Variants in GUCY1A2 observed in about 807,000 individuals in gnomAD.
The protein encoded by GUCY1A2 is guanylate cyclase 1 soluble subunit alpha 2, also known as guanylate cyclase soluble subunit alpha-2.
In GUCY1A2, 27 loss-of-function variants were observed where a neutral mutation model predicts 63.5. The ratio of observed to expected loss-of-function variants is 0.43; its 90% CI spans 0.31 to 0.59. The LOEUF is 0.59. GUCY1A2 is among the 20% of genes least tolerant of loss of function. The pLI is 0.11. For synonymous variants in GUCY1A2, 364 were observed against 343.5 expected, an observed-to-expected ratio of 1.06 and a Z score of -0.66; for missense variants, 768 against 913.3, an observed-to-expected ratio of 0.84 and a Z score of 2.05.
chr11:106,985,914 AC>A (rs1861394465), intron 2 of GUCY1A2, among the ~76,000 whole-genome samples, 155 bp downstream of exon 2: 1 of 152,036 alleles, frequency 6.6e-6, no homozygotes, highest in African/African-American at 2.4e-5. Flanking sequence ...ACTCCAAGGG[AC>A]TCCCCCAATA....
At chr11:106,801,280 G>A (rs902241665) in intron 5 of GUCY1A2, among the ~76,000 whole-genome samples, 2 of 151,982 alleles carry the variant, frequency 1.3e-5, no homozygotes, top group Admixed American at 1.3e-4. Context: ...TTGTAACAAG[G>A]ACCTTTGGCT....
At position 106,725,152 on chromosome 11, in the gene GUCY1A2, C is replaced by CTTTTTTTTTTTTTTTTTTTTTTTTTTT. The variant is rs773251118; in HGVS notation, c.1837-16513_1837-16487dup. On this transcript the variant is annotated intron_variant, in intron 6 of 7. Coordinates refer to ENST00000526355, the MANE Select transcript of GUCY1A2 (RefSeq NM_000855.3). ...ATGTATCTTCTTATTGACATAAATT[C>CTTTTTTTTTTTTTTTTTTTTTTTTTTT]TTTTTTTTTTTTTTTTTTTTTTTTT... Among the ~76,000 whole-genome samples the CTTTTTTTTTTTTTTTTTTTTTTTTTTT allele has an allele frequency of 8.7e-5, 2 of 22,988 alleles. 1 individual carries two copies. Among genetic ancestry groups the CTTTTTTTTTTTTTTTTTTTTTTTTTTT allele is most frequent in the Non-Finnish European group, 1.6e-4 (2 of 12,178 alleles). 15.1% of individuals were successfully genotyped at this position (22,988 alleles called of 152,430 possible). A position where few individuals can be genotyped will look rare whatever the true frequency, so the allele number is the denominator to read the frequency against.
At chr11:106,999,215 A>G (rs1861581682) in intron 1 of GUCY1A2, among the ~76,000 whole-genome samples, 1 of 152,214 alleles carries the variant, frequency 6.6e-6, no homozygotes, top group South Asian at 2.1e-4. Context: ...GGAGAGTCTT[A>G]CAGCAGATTT....
chr11:106,986,905 A>G (rs1422896162), intron 1 of GUCY1A2, among the ~76,000 whole-genome samples: 1 of 152,206 alleles, frequency 6.6e-6, no homozygotes, highest in South Asian at 2.1e-4. Flanking sequence ...TCTCTTCTCC[A>G]CGATGGCTTA....
intron 4 of GUCY1A2, among the ~76,000 whole-genome samples, chr11:106,845,353 T>G (rs1329644990): frequency 6.6e-6 from 1 of 151,624 alleles, no homozygotes; most frequent in East Asian, 1.9e-4. Context: ...TTGCTCCCCC[T>G]CTTCTTTCAG....
At position 106,680,467 on chromosome 11, in the gene GUCY1A2, CT is replaced by C. The variant is rs1310927914; in HGVS notation, c.*7081del. On this transcript the variant is annotated 3_prime_UTR_variant, in exon 8 of 8. Transcript: ENST00000526355. ...TACTCAGACCTGCCATTTGGTTTTT[CT>C]TTTCTGCTTTTAAATAATAAGCAAC... 2 of 204,348 alleles carry C rather than the reference CT, an allele frequency of 9.8e-6. No homozygotes were observed. The highest frequency in any genetic ancestry group is 2.0e-5 in the Non-Finnish European group (2 of 99,934). 12.7% of individuals were successfully genotyped at this position (204,348 alleles called of 1,614,324 possible). A position where few individuals can be genotyped will look rare whatever the true frequency, so the allele number is the denominator to read the frequency against.
chr11:106,754,117 A>G (rs1863931850), intron 6 of GUCY1A2, among the ~76,000 whole-genome samples: 1 of 152,140 alleles, frequency 6.6e-6, no homozygotes, highest in Non-Finnish European at 1.5e-5. Flanking sequence ...CTTTGCAGCA[A>G]TTGTGAATGG....
intron 1 of GUCY1A2, among the ~76,000 whole-genome samples, chr11:106,996,027 T>C (rs924168306): frequency 1.3e-5 from 2 of 152,188 alleles, no homozygotes; most frequent in African/African-American, 4.8e-5. Flanking sequence ...AGTTAAATTA[T>C]AAAATTAACA....
intron 5 of GUCY1A2, 56 bp from the exon 6 acceptor site, chr11:106,776,638 T>A (rs1864361957): frequency 6.6e-7 from 1 of 1,520,702 alleles, no homozygotes; most frequent in Non-Finnish European, 9.0e-7. Flanking sequence ...CAAAGAGAAA[T>A]GATTAGTTAT....
intron 4 of GUCY1A2, among the ~76,000 whole-genome samples, chr11:106,848,174 G>T (rs984188547): frequency 2.0e-5 from 3 of 151,612 alleles, no homozygotes; most frequent in Non-Finnish European, 4.4e-5. Flanking sequence ...CTTTTTACAT[G>T]TTGTTCAATT....
chr11:106,844,442 T>C (rs1859244322), intron 4 of GUCY1A2, among the ~76,000 whole-genome samples: 1 of 151,826 alleles, frequency 6.6e-6, no homozygotes, highest in South Asian at 2.1e-4. Context: ...CATATTCATC[T>C]TCAATTTGGC....
chr11:106,698,284 A>ATT lies in GUCY1A2; in HGVS notation c.1991+10226_1991+10227dup, dbSNP rs113286447. Among the ~76,000 whole-genome samples, 762 of 142,354 alleles carry ATT rather than the reference A, an allele frequency of 5.4e-3. 10 individuals are homozygous for ATT. The highest frequency in any genetic ancestry group is 0.018 in the African/African-American group (706 of 38,322). 93.4% of individuals were successfully genotyped at this position (142,354 alleles called of 152,430 possible). A position where few individuals can be genotyped will look rare whatever the true frequency, so the allele number is the denominator to read the frequency against. On this transcript the variant is annotated intron_variant, in intron 7 of 7. Transcript: ENST00000526355. ...TTAGGCACATGCACCATGTCTGGGG[A>ATT]TTTTTTTTTTTTAATTTTAGTAGAG...
At chr11:106,826,091 C>T (rs938701358) in intron 4 of GUCY1A2, among the ~76,000 whole-genome samples, 1 of 152,062 alleles carries the variant, frequency 6.6e-6, no homozygotes, top group African/African-American at 2.4e-5. Context: ...AGATAACTTA[C>T]CTAAATTTGC....
At chr11:106,768,706 A>T (rs1398821666) in intron 6 of GUCY1A2, among the ~76,000 whole-genome samples, 3 of 152,180 alleles carry the variant, frequency 2.0e-5, no homozygotes, top group Admixed American at 6.6e-5. Context: ...ACGAAAAATT[A>T]TTGTACCAAG....
At chr11:106,732,689 G>A (rs1863525378) in intron 6 of GUCY1A2, among the ~76,000 whole-genome samples, 2 of 152,162 alleles carry the variant, frequency 1.3e-5, no homozygotes. Flanking sequence ...AGGAGAGCAA[G>A]AAATTCTTCA....
At chr11:106,916,387 T>C (rs573180097) in intron 4 of GUCY1A2, among the ~76,000 whole-genome samples, 2 of 145,678 alleles carry the variant, frequency 1.4e-5, no homozygotes, top group Admixed American at 1.4e-4. Flanking sequence ...TCCACATTGA[T>C]AAAATCATAC....
At chr11:106,735,307 A>G (rs1426644021) in intron 6 of GUCY1A2, among the ~76,000 whole-genome samples, 2 of 152,036 alleles carry the variant, frequency 1.3e-5, no homozygotes, top group Admixed American at 6.6e-5. Flanking sequence ...TACCCTTTCC[A>G]GTCTCTGGTA....
chr11:106,787,980 G>A (rs1864594814), intron 5 of GUCY1A2, among the ~76,000 whole-genome samples: 1 of 152,064 alleles, frequency 6.6e-6, no homozygotes, highest in Non-Finnish European at 1.5e-5. Flanking sequence ...CATATTGGTT[G>A]TACTAATTTA....
In GUCY1A2 at chr11:107,018,109, G is replaced by T; in HGVS notation, c.-54C>A. On this transcript the variant is annotated 5_prime_UTR_variant, in exon 1 of 8. Coordinates refer to ENST00000526355, the MANE Select transcript of GUCY1A2 (RefSeq NM_000855.3). ...CGGTGGCGGCGAGGACGCGAGCGGCGGCGGAGGCGGCGGTGGCGGGACCGG... is the reference window on the plus strand; with the variant it reads ...CGGTGGCGGCGAGGACGCGAGCGGCTGCGGAGGCGGCGGTGGCGGGACCGG... 1 of 1,201,872 alleles carries T rather than the reference G, an allele frequency of 8.3e-7. No homozygotes were observed. The highest frequency in any genetic ancestry group is 1.1e-6 in the Non-Finnish European group (1 of 913,396). 74.5% of individuals were successfully genotyped at this position (1,201,872 alleles called of 1,614,324 possible).
Sources: allele counts gnomAD v4.1 joint callset (sites outside exome capture counted in the v4.1 genomes callset), GRCh38; gene constraint gnomAD v4.1.1; transcripts MANE v1.5; gene names NCBI Gene and HGNC (gene_info 2026-07-23, HGNC 2026-07-21).